GDPD1: variants seen among roughly 807,000 people sequenced by gnomAD.
GDPD1 encodes the protein glycerophosphodiester phosphodiesterase domain containing 1, also known as lysophospholipase D GDPD1.
Under a neutral mutation model 45.1 loss-of-function variants are expected in GDPD1, and 28 were observed. The observed-to-expected ratio is 0.62, with a 90% CI of 0.46 to 0.85. GDPD1 has a LOEUF of 0.85. Ranked by LOEUF, GDPD1 falls within the 40% of genes least tolerant of loss-of-function variation. The pLI is 0.00. For synonymous variants in GDPD1, 139 were observed against 131.4 expected (o/e 1.06, Z -0.40); for missense variants, 256 against 364.8 (o/e 0.70, Z 2.43).
At chr17:59,227,390 G>A (rs2047055365) in intron 1 of GDPD1, among the ~76,000 whole-genome samples, 1 of 151,726 alleles carries the variant, frequency 6.6e-6, no homozygotes, top group Middle Eastern at 3.2e-3. Context: ...CTGCACTCCA[G>A]CCTGAGCGAC....
intron 7 of GDPD1, among the ~76,000 whole-genome samples, chr17:59,267,393 A>G (rs2047407067): frequency 6.6e-6 from 1 of 152,222 alleles, no homozygotes; most frequent in Non-Finnish European, 1.5e-5. Flanking sequence ...GTGCCTGTAT[A>G]GTCAGAAATC....
At chr17:59,248,618 C>T in intron 3 of GDPD1, 122 bp from the exon 4 acceptor site, 1 of 643,060 alleles carries the variant, frequency 1.6e-6, no homozygotes. Flanking sequence ...GCTAAGGGTG[C>T]CTAGTAAAGT....
chr17:59,223,301 A>T (rs1044982489), intron 1 of GDPD1, among the ~76,000 whole-genome samples: 3 of 152,134 alleles, frequency 2.0e-5, no homozygotes, highest in Admixed American at 1.3e-4. Flanking sequence ...ATATCTGCAG[A>T]CTCAAAATCT....
At chr17:59,226,412 C>T (rs990917460) in intron 1 of GDPD1, among the ~76,000 whole-genome samples, 2 of 151,834 alleles carry the variant, frequency 1.3e-5, no homozygotes, top group African/African-American at 4.8e-5. Context: ...ACTCTAGTAA[C>T]CAAGTGAACC....
chr17:59,227,011 GAATTGTCTCTTTCTATTAAGAAGA>G (rs2047052498), intron 1 of GDPD1, among the ~76,000 whole-genome samples: 1 of 151,752 alleles, frequency 6.6e-6, no homozygotes. Flanking sequence ...AGAGTTTATT[GAATTGTCTCTTTCTATTAAGAAGA>G]AATTGACTGT....
chr17:59,225,924 T>C (rs948123606), intron 1 of GDPD1, among the ~76,000 whole-genome samples: 2 of 151,078 alleles, frequency 1.3e-5, no homozygotes, highest in Non-Finnish European at 2.9e-5. Context: ...GTTCACCATG[T>C]TGGCCAGGCT....
intron 6 of GDPD1, among the ~76,000 whole-genome samples, chr17:59,258,575 T>C (rs2047327811): frequency 6.6e-6 from 1 of 152,042 alleles, no homozygotes; most frequent in Non-Finnish European, 1.5e-5. Flanking sequence ...TCTTATTTCA[T>C]AGCCTTCATA....
chr17:59,261,307 C>A (rs1275306771), intron 6 of GDPD1, among the ~76,000 whole-genome samples: 1 of 151,704 alleles, frequency 6.6e-6, no homozygotes. Flanking sequence ...CTGAGAGATC[C>A]CAAGGTAGCT....
intron 2 of GDPD1, among the ~76,000 whole-genome samples, chr17:59,236,874 T>C (rs1041025263): frequency 5.3e-5 from 8 of 152,150 alleles, no homozygotes; most frequent in Non-Finnish European, 1.2e-4. Context: ...TCAACTGACC[T>C]AGAAATTTAT....
chr17:59,220,881 T>G, intron 1 of GDPD1, 130 bp downstream of exon 1: 8 of 1,035,296 alleles, frequency 7.7e-6, no homozygotes, highest in Non-Finnish European at 1.1e-5. Context: ...AATTGAGGGC[T>G]CTTCCGGAGG....
intron 2 of GDPD1, among the ~76,000 whole-genome samples, chr17:59,242,335 T>G (rs1311668470): frequency 6.6e-6 from 1 of 152,244 alleles, no homozygotes; most frequent in Non-Finnish European, 1.5e-5. Context: ...AGTGCTGGAA[T>G]TACAGGTGTG....
chr17:59,245,721 A>G (rs575677635), intron 3 of GDPD1, among the ~76,000 whole-genome samples, 172 bp downstream of exon 3: 2 of 152,336 alleles, frequency 1.3e-5, no homozygotes, highest in East Asian at 3.9e-4. Context: ...GTACTGGCTC[A>G]TGCCTATAAC....
chr17:59,240,075 G>C (rs2047163738), intron 2 of GDPD1, among the ~76,000 whole-genome samples: 1 of 152,106 alleles, frequency 6.6e-6, no homozygotes, highest in Non-Finnish European at 1.5e-5. Context: ...GGCAGATCAG[G>C]AGGGCAGGAG....
At chr17:59,242,245 T>G (rs1303438463) in intron 2 of GDPD1, among the ~76,000 whole-genome samples, 2 of 152,168 alleles carry the variant, frequency 1.3e-5, no homozygotes, top group African/African-American at 4.8e-5. Flanking sequence ...GTATTTTTAG[T>G]AGAGACAGGG....
chr17:59,262,078 C>T (rs368664641), intron 6 of GDPD1, among the ~76,000 whole-genome samples: 4 of 150,788 alleles, frequency 2.7e-5, no homozygotes, highest in African/African-American at 4.9e-5. Context: ...CCACTACGCC[C>T]GGCTAATTTT....
intron 4 of GDPD1, among the ~76,000 whole-genome samples, chr17:59,254,078 AG>A (rs1244730769): frequency 7.3e-6 from 1 of 136,912 alleles, no homozygotes; most frequent in Non-Finnish European, 1.6e-5. Context: ...AAAAAAAAAA[AG>A]GGCCGGGTGC....
chr17:59,255,229 C>A, intron 4 of GDPD1, among the ~76,000 whole-genome samples: 1 of 152,066 alleles, frequency 6.6e-6, no homozygotes, highest in East Asian at 1.9e-4. Context: ...AAGGTTCAGA[C>A]GGAAGCAGAA....
chr17:59,270,587 A>T (rs958643682), intron 7 of GDPD1, among the ~76,000 whole-genome samples: 1 of 152,188 alleles, frequency 6.6e-6, no homozygotes, highest in Non-Finnish European at 1.5e-5. Flanking sequence ...AATTTGCCAC[A>T]TACTAAATTG....
Position 59,274,074 on chromosome 17 carries a change from A to G in GDPD1, c.*301A>G, listed in dbSNP as rs1007017945. Reference sequence around the variant, plus strand: ...TTATACAGAAATCTTGATTAATAACATACACAGAAATGTACATACTACATC... The same window carrying G: ...TTATACAGAAATCTTGATTAATAACGTACACAGAAATGTACATACTACATC... On this transcript the variant is annotated 3_prime_UTR_variant, in exon 10 of 10. Coordinates refer to ENST00000284116, the MANE Select transcript of GDPD1 (RefSeq NM_182569.4). 1 of 764,346 alleles carries G rather than the reference A, an allele frequency of 1.3e-6. No individual in the cohort carries two copies. The highest frequency in any genetic ancestry group is 1.6e-6 in the Non-Finnish European group (1 of 628,810). 47.3% of individuals were successfully genotyped at this position (764,346 alleles called of 1,614,324 possible).
Sources: allele counts gnomAD v4.1 joint callset (sites outside exome capture counted in the v4.1 genomes callset), GRCh38; gene constraint gnomAD v4.1.1; transcripts MANE v1.5; gene names NCBI Gene and HGNC (gene_info 2026-07-23, HGNC 2026-07-21).